TDRD3: variants seen among roughly 807,000 people sequenced by gnomAD.
The protein encoded by TDRD3 is tudor domain-containing protein 3.
TDRD3 carries 45 observed loss-of-function variants against 86.7 expected under a neutral mutation model. That is an observed-to-expected ratio of 0.52 (90% CI 0.41 to 0.67). The LOEUF (loss-of-function observed/expected upper bound fraction) is 0.67, where lower values mean the gene tolerates loss of function less well. TDRD3 is among the 30% of genes least tolerant of loss of function. The pLI, the probability that TDRD3 is intolerant of heterozygous loss-of-function variation, is 0.00. For synonymous variants in TDRD3, 298 were observed against 301.7 expected (o/e 0.99, Z 0.13); for missense variants, 814 against 889.0 (o/e 0.92, Z 1.07).
At chr13:60,573,580 C>T (rs1460435307) in intron 13 of TDRD3, 36 bp from the exon 14 acceptor site, 2 of 983,918 alleles carry the variant, frequency 2.0e-6, no homozygotes, top group Non-Finnish European at 2.4e-6. Flanking sequence ...TAATTTGAGG[C>T]TTCAATTTCA....
At chr13:60,405,526 C>A (rs1471746280) in intron 1 of TDRD3, among the ~76,000 whole-genome samples, 1 of 151,946 alleles carries the variant, frequency 6.6e-6, no homozygotes, top group Non-Finnish European at 1.5e-5. Context: ...ATCCTGAGAT[C>A]TGGAGAATGA....
chr13:60,500,358 A>G (rs569859002), intron 8 of TDRD3, among the ~76,000 whole-genome samples: 140 of 152,280 alleles, frequency 9.2e-4, no homozygotes, highest in Non-Finnish European at 1.1e-3. Flanking sequence ...GAAGTGGCTC[A>G]AATGTCCATG....
At chr13:60,527,471 T>G (rs749973737) in intron 10 of TDRD3, among the ~76,000 whole-genome samples, 32 of 152,298 alleles carry the variant, frequency 2.1e-4, no homozygotes, top group Non-Finnish European at 4.3e-4. Flanking sequence ...GCATGTTGAT[T>G]ATGATGTATG....
intron 12 of TDRD3, among the ~76,000 whole-genome samples, chr13:60,561,542 G>C (rs1427137540): frequency 6.6e-6 from 1 of 152,152 alleles, no homozygotes; most frequent in Non-Finnish European, 1.5e-5. Flanking sequence ...ATTTTATATA[G>C]GAATTCTACG....
chr13:60,522,136 T>C (rs1183542658), intron 10 of TDRD3, among the ~76,000 whole-genome samples: 1 of 152,160 alleles, frequency 6.6e-6, no homozygotes, highest in Admixed American at 6.5e-5. Context: ...ATAGATATAC[T>C]ATATTTTAAG....
chr13:60,491,650 A>G (rs1956590654), intron 7 of TDRD3, among the ~76,000 whole-genome samples: 1 of 152,232 alleles, frequency 6.6e-6, no homozygotes, highest in African/African-American at 2.4e-5. Context: ...GAAGTTGTTT[A>G]TTCCATCCTC....
intron 1 of TDRD3, among the ~76,000 whole-genome samples, chr13:60,411,342 C>T (rs1007688232): frequency 3.9e-5 from 6 of 152,158 alleles, no homozygotes; most frequent in South Asian, 2.1e-4. Flanking sequence ...TTAAATAATA[C>T]ATGACAGAAA....
intron 6 of TDRD3, chr13:60,484,673 GA>G (rs772673493): frequency 3.2e-5 from 14 of 442,690 alleles, no homozygotes; most frequent in South Asian, 2.1e-4. Flanking sequence ...AAATAATGTT[GA>G]TTTTTTTTTT....
chr13:60,473,318 C>G (rs1330960302), intron 5 of TDRD3, among the ~76,000 whole-genome samples: 1 of 152,194 alleles, frequency 6.6e-6, no homozygotes, highest in Non-Finnish European at 1.5e-5. Flanking sequence ...CCTTGAAGGT[C>G]CTACCTCTTA....
At chr13:60,541,958 C>A (rs1957827685) in intron 12 of TDRD3, among the ~76,000 whole-genome samples, 1 of 151,904 alleles carries the variant, frequency 6.6e-6, no homozygotes, top group Non-Finnish European at 1.5e-5. Flanking sequence ...AACTCCCGAC[C>A]TCAGGTGATC....
intron 1 of TDRD3, among the ~76,000 whole-genome samples, chr13:60,438,935 G>C (rs1309231678): frequency 6.6e-6 from 1 of 152,108 alleles, no homozygotes; most frequent in Non-Finnish European, 1.5e-5. Context: ...TTTGATGGTT[G>C]ATTTTAGAAT....
At chr13:60,471,002 T>G (rs1594976984) in intron 5 of TDRD3, among the ~76,000 whole-genome samples, 1 of 152,206 alleles carries the variant, frequency 6.6e-6, no homozygotes, top group African/African-American at 2.4e-5. Flanking sequence ...CCTTTGCCCA[T>G]TTTTAATCAG....
chr13:60,440,080 A>G (rs1017436698), intron 2 of TDRD3, among the ~76,000 whole-genome samples: 10 of 152,182 alleles, frequency 6.6e-5, no homozygotes, highest in African/African-American at 1.9e-4. Flanking sequence ...AAAACTGACT[A>G]TTCATTAAAA....
intron 9 of TDRD3, 144 bp downstream of exon 9, chr13:60,510,063 T>C (rs549816835): frequency 1.6e-5 from 15 of 927,538 alleles, no homozygotes; most frequent in Admixed American, 1.3e-4. Flanking sequence ...TTGGGAACCA[T>C]AGAGACATTT....
rs1594976383 is a variant in TDRD3, at chr13:60,470,609, T to G, written c.495+3230T>G. 1.1e-4 allele frequency among the ~76,000 whole-genome samples: 11 copies of G among 101,064 alleles called. No individual in the cohort carries two copies. The South Asian group carries it at 3.6e-3, about 33-fold the overall frequency. The allele number at this position is 101,064 out of a possible 152,430, so 66.3% of individuals were successfully genotyped here. A position where few individuals can be genotyped will look rare whatever the true frequency, so the allele number is the denominator to read the frequency against. ...AGTTGGGTTTTTTTTTTTTTTTTTT[T>G]GATATGGAGTGTTGCCCAGGCTGGA... On this transcript the variant is annotated intron_variant, in intron 5 of 13. Coordinates refer to ENST00000377881, the MANE Select transcript of TDRD3 (RefSeq NM_001146070.2).
intron 12 of TDRD3, among the ~76,000 whole-genome samples, chr13:60,564,995 A>T (rs933932863): frequency 4.2e-5 from 6 of 141,826 alleles, no homozygotes; most frequent in Non-Finnish European, 7.6e-5. Context: ...AAAAGCACAG[A>T]TTGTGACTCT....
At chr13:60,521,818 A>G (rs1444843967) in intron 10 of TDRD3, among the ~76,000 whole-genome samples, 1 of 152,002 alleles carries the variant, frequency 6.6e-6, no homozygotes, top group East Asian at 1.9e-4. Flanking sequence ...AATCACTTGA[A>G]CCCGGGAGGT....
chr13:60,520,198 A>G (rs1159358696), intron 10 of TDRD3, among the ~76,000 whole-genome samples: 2 of 152,198 alleles, frequency 1.3e-5, no homozygotes, highest in South Asian at 2.1e-4. Flanking sequence ...ACAATTGTAT[A>G]TATTTGAATA....
At chr13:60,555,856 T>C (rs547484761) in intron 12 of TDRD3, among the ~76,000 whole-genome samples, 124 of 149,558 alleles carry the variant, frequency 8.3e-4, no homozygotes, top group African/African-American at 1.8e-3. Context: ...TTCTTTCTTT[T>C]TTTTTTTTTT....
Sources: allele counts gnomAD v4.1 joint callset (sites outside exome capture counted in the v4.1 genomes callset), GRCh38; gene constraint gnomAD v4.1.1; transcripts MANE v1.5; gene names NCBI Gene and HGNC (gene_info 2026-07-23, HGNC 2026-07-21).